The following NALF1 variants were observed in gnomAD, a reference collection of about 807,000 sequenced individuals.
NALF1 encodes family with sequence similarity 155 member A.
In NALF1, 3 loss-of-function variants were observed where a neutral mutation model predicts 48.4. The observed-to-expected ratio is 0.06, with a 90% CI of 0.03 to 0.16. The LOEUF (loss-of-function observed/expected upper bound fraction) is 0.16, where lower values mean the gene tolerates loss of function less well. Ranked by LOEUF, NALF1 falls within the 10% of genes least tolerant of loss-of-function variation. NALF1 has a pLI of 1.00. For missense variants in NALF1, 526 were observed against 571.5 expected (o/e 0.92, Z 0.81); for synonymous variants, 262 against 245.7 (o/e 1.07, Z -0.62).
At chr13:107,411,125 T>G (rs565802555) in intron 1 of NALF1, among the ~76,000 whole-genome samples, 4 of 152,234 alleles carry the variant, frequency 2.6e-5, no homozygotes, top group African/African-American at 9.6e-5. Context: ...TAGGGGTGGT[T>G]TGAGCTGTCT....
At chr13:107,850,868 A>C (rs1880294266) in intron 1 of NALF1, among the ~76,000 whole-genome samples, 1 of 151,918 alleles carries the variant, frequency 6.6e-6, no homozygotes, top group Non-Finnish European at 1.5e-5. Flanking sequence ...GCACTCCTGC[A>C]CTCCAGCCTG....
intron 1 of NALF1, among the ~76,000 whole-genome samples, chr13:107,363,848 G>A (rs1274970402): frequency 6.6e-6 from 1 of 152,160 alleles, no homozygotes; most frequent in Non-Finnish European, 1.5e-5. Flanking sequence ...TCCAGTTCAT[G>A]TTGTGTTTTC....
chr13:107,402,279 C>A (rs1285092289), intron 1 of NALF1, among the ~76,000 whole-genome samples: 2 of 152,170 alleles, frequency 1.3e-5, no homozygotes, highest in African/African-American at 4.8e-5. Context: ...AGGCAGCAAA[C>A]AACTGAAGAT....
In NALF1 at chr13:107,214,825, T is replaced by C. The variant is rs116000528; in HGVS notation, c.916-4070A>G. On this transcript the variant is annotated intron_variant, in intron 1 of 2. Coordinates refer to ENST00000375915, the MANE Select transcript of NALF1 (RefSeq NM_001080396.3). ...ATACTTGAATCGATTTTTCTCTTTT[T>C]CCCCTGAAGCATTTTCTCTCTTGCT... Among the ~76,000 whole-genome samples, 924 of 152,318 alleles carry C rather than the reference T, an allele frequency of 6.1e-3. 14 individuals are homozygous for C. The highest frequency in any genetic ancestry group is 0.021 in the African/African-American group (891 of 41,562).
intron 1 of NALF1, among the ~76,000 whole-genome samples, chr13:107,312,449 C>T (rs1031578192): frequency 2.0e-5 from 3 of 152,012 alleles, no homozygotes; most frequent in Admixed American, 6.6e-5. Context: ...GGAGGGATAG[C>T]ATTAGGAGAT....
At chr13:107,645,507 G>A (rs1880291322) in intron 1 of NALF1, among the ~76,000 whole-genome samples, 1 of 151,914 alleles carries the variant, frequency 6.6e-6, no homozygotes, top group Admixed American at 6.6e-5. Context: ...TTTGGGTTTA[G>A]GTATGCTATA....
chr13:107,438,856 A>AAAAAAAAAAAAT (rs1555301014), intron 1 of NALF1, among the ~76,000 whole-genome samples: 2 of 130,360 alleles, frequency 1.5e-5, no homozygotes, highest in South Asian at 2.7e-4. Flanking sequence ...AAAAAAGAAT[A>AAAAAAAAAAAAT]ATATAAAGGG....
At chr13:107,674,519 C>G (rs1346932457) in intron 1 of NALF1, among the ~76,000 whole-genome samples, 1 of 152,134 alleles carries the variant, frequency 6.6e-6, no homozygotes, top group Admixed American at 6.5e-5. Flanking sequence ...GGGAGATTGG[C>G]ATTTATTCAT....
At chr13:107,406,652 A>G in intron 1 of NALF1, among the ~76,000 whole-genome samples, 1 of 152,138 alleles carries the variant, frequency 6.6e-6, no homozygotes, top group South Asian at 2.1e-4. Context: ...ATAGAATGCC[A>G]TTCTTTACAG....
intron 1 of NALF1, among the ~76,000 whole-genome samples, chr13:107,425,007 A>G (rs116702826): frequency 0.015 from 2,286 of 152,308 alleles, 57 homozygotes; most frequent in African/African-American, 0.052. Context: ...ATTCAGTGAG[A>G]AAGAAGTATT....
chr13:107,569,050 GTTTTATA>G (rs1877900939), intron 1 of NALF1, among the ~76,000 whole-genome samples: 1 of 152,098 alleles, frequency 6.6e-6, no homozygotes, highest in African/African-American at 2.4e-5. Flanking sequence ...AAGTTTTATA[GTTTTATA>G]TTTTAAATTT....
At chr13:107,588,705 T>C (rs927740284) in intron 1 of NALF1, among the ~76,000 whole-genome samples, 2 of 152,060 alleles carry the variant, frequency 1.3e-5, no homozygotes, top group African/African-American at 4.8e-5. Context: ...TGCAGAAAAA[T>C]ATCCTTTTAA....
intron 1 of NALF1, among the ~76,000 whole-genome samples, chr13:107,657,914 C>G (rs529227394): frequency 3.9e-5 from 6 of 152,106 alleles, no homozygotes; most frequent in Admixed American, 3.3e-4. Flanking sequence ...TAGTGAGGAG[C>G]TTTGGTGGTA....
intron 1 of NALF1, among the ~76,000 whole-genome samples, chr13:107,677,482 C>T (rs776573080): frequency 1.3e-5 from 2 of 152,174 alleles, no homozygotes; most frequent in Non-Finnish European, 2.9e-5. Flanking sequence ...TAGAATTGGG[C>T]ATAGAATGTA....
At chr13:107,792,428 C>G (rs146806064) in intron 1 of NALF1, among the ~76,000 whole-genome samples, 2 of 152,248 alleles carry the variant, frequency 1.3e-5, no homozygotes, top group African/African-American at 4.8e-5. Flanking sequence ...ACTTCTCCCC[C>G]ACAAACAGAT....
At chr13:107,458,083 CT>C (rs1466399863) in intron 1 of NALF1, among the ~76,000 whole-genome samples, 2 of 152,146 alleles carry the variant, frequency 1.3e-5, no homozygotes, top group African/African-American at 4.8e-5. Flanking sequence ...GGAAAACATT[CT>C]TCATTTATTC....
intron 1 of NALF1, among the ~76,000 whole-genome samples, chr13:107,789,813 T>G (rs540080762): frequency 1.4e-4 from 21 of 152,334 alleles, no homozygotes; most frequent in African/African-American, 5.1e-4. Flanking sequence ...GTTGGTTATA[T>G]TCACCTAAAT....
At chr13:107,391,026 A>G (rs1433426036) in intron 1 of NALF1, among the ~76,000 whole-genome samples, 3 of 152,196 alleles carry the variant, frequency 2.0e-5, no homozygotes, top group Admixed American at 2.0e-4. Flanking sequence ...TTCTGGGAAT[A>G]AAGTGTGGAG....
chr13:107,343,229 G>A (rs1255949821), intron 1 of NALF1, among the ~76,000 whole-genome samples: 1 of 152,088 alleles, frequency 6.6e-6, no homozygotes, highest in Non-Finnish European at 1.5e-5. Context: ...GTGGAAAAAT[G>A]GAAATTTCCA....
Sources: allele counts gnomAD v4.1 joint callset (sites outside exome capture counted in the v4.1 genomes callset), GRCh38; gene constraint gnomAD v4.1.1; transcripts MANE v1.5; gene names NCBI Gene and HGNC (gene_info 2026-07-23, HGNC 2026-07-21).